ZC3H12B: variants seen among roughly 807,000 people sequenced by gnomAD.
ZC3H12B encodes the protein probable ribonuclease ZC3H12B.
A neutral mutation model predicts 43.9 loss-of-function variants in ZC3H12B; 7 were observed. That is an observed-to-expected ratio of 0.16 (90% CI 0.09 to 0.30). The LOEUF is 0.30. ZC3H12B is among the 10% of genes least tolerant of loss of function. ZC3H12B has a pLI of 1.00. For missense variants in ZC3H12B, 475 were observed against 670.2 expected (o/e 0.71, Z 3.22); for synonymous variants, 222 against 241.7 (o/e 0.92, Z 0.76).
chrX:65,271,567 C>T, the ZC3H12B span: 1 of 112,298 alleles, frequency 8.9e-6, no homozygotes, highest in Admixed American at 9.4e-5. Context: ...ATATGGTAAA[C>T]ATTTAACATT....
chrX:65,106,256 T>C, the ZC3H12B span, among the ~76,000 whole-genome samples: 1 of 111,815 alleles, frequency 8.9e-6, no homozygotes, highest in Non-Finnish European at 1.9e-5. Flanking sequence ...CATTTAAAGG[T>C]ATAAATTAGA....
At chrX:65,053,086 C>T in the ZC3H12B span, among the ~76,000 whole-genome samples, 8 of 110,853 alleles carry the variant, frequency 7.2e-5, no homozygotes, top group African/African-American at 2.3e-4. Flanking sequence ...CTATTGTTCA[C>T]ATGCCTGTTT....
At chrX:65,098,699 C>T in the ZC3H12B span, among the ~76,000 whole-genome samples, 20 of 110,690 alleles carry the variant, frequency 1.8e-4, no homozygotes, top group African/African-American at 5.9e-4. Context: ...TGCTATCTGG[C>T]CCAGATAATA....
At chrX:65,253,452 G>T in the ZC3H12B span, among the ~76,000 whole-genome samples, 5 of 112,443 alleles carry the variant, frequency 4.4e-5, no homozygotes, top group Admixed American at 9.4e-5. Context: ...ACTCCAGCTG[G>T]CGCAGAGACC....
intron 3 of ZC3H12B, among the ~76,000 whole-genome samples, chrX:65,406,582 C>T (rs1237587031): frequency 4.8e-5 from 1 of 20,790 alleles, no homozygotes; most frequent in Non-Finnish European, 7.4e-5. Flanking sequence ...CTGGGCGGGG[C>T]TGGGCGGGGC....
intron 3 of ZC3H12B, among the ~76,000 whole-genome samples, chrX:65,451,668 G>A (rs1002006804): frequency 7.2e-5 from 8 of 111,717 alleles, no homozygotes; most frequent in African/African-American, 2.6e-4. Context: ...ATATGAAAAA[G>A]CAGCTACCTC....
the ZC3H12B span, among the ~76,000 whole-genome samples, chrX:65,115,756 G>A: frequency 2.5e-4 from 28 of 111,515 alleles, no homozygotes; most frequent in Non-Finnish European, 5.3e-4. Context: ...TCCTGCAAGA[G>A]TTAGATGATA....
At chrX:65,109,378 C>A in the ZC3H12B span, among the ~76,000 whole-genome samples, 1 of 111,756 alleles carries the variant, frequency 8.9e-6, no homozygotes, top group East Asian at 2.8e-4. Context: ...CAGCCCAAGG[C>A]AACCACTAAT....
At chrX:65,156,749 C>T in the ZC3H12B span, among the ~76,000 whole-genome samples, 1 of 110,681 alleles carries the variant, frequency 9.0e-6, no homozygotes, top group Non-Finnish European at 1.9e-5. Flanking sequence ...CTCCTGGGCT[C>T]AAGCAATCCT....
At chrX:65,231,441 G>A in the ZC3H12B span, among the ~76,000 whole-genome samples, 1 of 111,216 alleles carries the variant, frequency 9.0e-6, no homozygotes, top group Non-Finnish European at 1.9e-5. Flanking sequence ...CCTAGTCCTA[G>A]TAAGCCTGAG....
At chrX:65,303,760 C>A in the ZC3H12B span, among the ~76,000 whole-genome samples, 2 of 112,009 alleles carry the variant, frequency 1.8e-5, no homozygotes, top group East Asian at 2.8e-4. Flanking sequence ...AGCAATAAAC[C>A]TTGAGAATTT....
chrX:65,066,691 C>G, the ZC3H12B span, among the ~76,000 whole-genome samples: 5 of 112,154 alleles, frequency 4.5e-5, no homozygotes, highest in Admixed American at 1.9e-4. Context: ...CCACTGCTCT[C>G]TTTAGAGCTG....
intron 3 of ZC3H12B, among the ~76,000 whole-genome samples, chrX:65,473,196 A>G (rs1050259005): frequency 7.5e-5 from 8 of 106,943 alleles, no homozygotes; most frequent in Non-Finnish European, 1.3e-4. Flanking sequence ...TTGTATTTTT[A>G]GTAGAGACAG....
At chrX:65,445,692 G>T (rs1381929506) in intron 3 of ZC3H12B, among the ~76,000 whole-genome samples, 1 of 112,349 alleles carries the variant, frequency 8.9e-6, no homozygotes, top group Non-Finnish European at 1.9e-5. Context: ...GGGCTCTTTA[G>T]TTGGCAGTTG....
the ZC3H12B span, among the ~76,000 whole-genome samples, chrX:65,312,344 T>C: frequency 1.8e-5 from 2 of 110,681 alleles, no homozygotes; most frequent in African/African-American, 3.3e-5. Context: ...GGTCAGAGCA[T>C]TGAGAACAGT....
At chrX:65,279,151 C>G in the ZC3H12B span, among the ~76,000 whole-genome samples, 1 of 110,928 alleles carries the variant, frequency 9.0e-6, no homozygotes, top group Non-Finnish European at 1.9e-5. Context: ...CATATATACT[C>G]AGTAATGGGA....
the ZC3H12B span, among the ~76,000 whole-genome samples, chrX:65,137,243 A>C: frequency 8.9e-6 from 1 of 112,314 alleles, no homozygotes; most frequent in Non-Finnish European, 1.9e-5. Flanking sequence ...AGAAAGACAC[A>C]AATAATTTAT....
chrX:65,151,164 TATAAC>T, the ZC3H12B span, among the ~76,000 whole-genome samples: 1 of 111,903 alleles, frequency 8.9e-6, no homozygotes, highest in African/African-American at 3.2e-5. Flanking sequence ...CAGTAAAAAA[TATAAC>T]AGACTTCTTT....
At chrX:65,456,564 G>T (rs1223867854) in intron 3 of ZC3H12B, among the ~76,000 whole-genome samples, 1 of 105,223 alleles carries the variant, frequency 9.5e-6, no homozygotes, top group African/African-American at 3.5e-5. Flanking sequence ...TCAGCCTGCC[G>T]AGTGCCTGCG....
Sources: gnomAD v4.1 joint callset for allele counts (sites outside exome capture counted in the v4.1 genomes callset) on GRCh38, gnomAD v4.1.1 for gene constraint, MANE v1.5 for transcripts, NCBI Gene and HGNC (gene_info 2026-07-23, HGNC 2026-07-21) for gene names.